The following DPP6 variants were observed in gnomAD, a reference collection of about 807,000 sequenced individuals.
DPP6 encodes the protein dipeptidyl peptidase like 6.
DPP6 carries 69 observed loss-of-function variants against 122.6 expected under a neutral mutation model. The observed-to-expected ratio is 0.56, with a 90% CI of 0.46 to 0.69. DPP6 has a LOEUF of 0.69. Among genes scored for constraint, DPP6 ranks in the 30% least tolerant of loss-of-function variants. DPP6 has a pLI of 0.00. For missense variants in DPP6, 928 were observed against 1,116.9 expected (o/e 0.83, Z 2.41); for synonymous variants, 418 against 433.1 (o/e 0.97, Z 0.43).
At chr7:154,615,092 G>C (rs1168329034) in intron 5 of DPP6, among the ~76,000 whole-genome samples, 1 of 152,152 alleles carries the variant, frequency 6.6e-6, no homozygotes, top group Non-Finnish European at 1.5e-5. Context: ...TCCTGTACAG[G>C]AGAGTTTTGC....
chr7:154,106,032 A>G (rs1224853981), intron 1 of DPP6, among the ~76,000 whole-genome samples: 1 of 151,836 alleles, frequency 6.6e-6, no homozygotes, highest in Non-Finnish European at 1.5e-5. Context: ...CCCTGAATAC[A>G]CTGTGCTCCC....
chr7:154,203,177 C>T (rs891765300), intron 1 of DPP6, among the ~76,000 whole-genome samples: 10 of 152,172 alleles, frequency 6.6e-5, no homozygotes, highest in African/African-American at 2.4e-4. Flanking sequence ...AAAGTTAGCT[C>T]ATGCCCGGCA....
intron 1 of DPP6, among the ~76,000 whole-genome samples, chr7:154,257,965 C>T (rs1000364117): frequency 6.6e-6 from 1 of 152,122 alleles, no homozygotes; most frequent in Non-Finnish European, 1.5e-5. Flanking sequence ...CCTTTGTCCC[C>T]AAATATCAAA....
intron 1 of DPP6, among the ~76,000 whole-genome samples, chr7:154,272,027 A>G (rs1020476341): frequency 6.6e-6 from 1 of 152,162 alleles, no homozygotes; most frequent in African/African-American, 2.4e-5. Flanking sequence ...AAGTTCTCAA[A>G]ACTCTCTCTA....
At chr7:154,397,233 T>C (rs1320729169) in intron 1 of DPP6, among the ~76,000 whole-genome samples, 1 of 151,608 alleles carries the variant, frequency 6.6e-6, no homozygotes, top group Non-Finnish European at 1.5e-5. Context: ...TTTTTTTTCA[T>C]GAGCATTAAG....
At chr7:154,626,945 CTTTACCT>C (rs1344947540) in intron 5 of DPP6, among the ~76,000 whole-genome samples, 1 of 131,636 alleles carries the variant, frequency 7.6e-6, no homozygotes, top group Non-Finnish European at 1.6e-5. Flanking sequence ...AGCTAAACAT[CTTTACCT>C]TTTACTAAAT....
At chr7:154,491,783 G>C (rs972234708) in intron 3 of DPP6, among the ~76,000 whole-genome samples, 2 of 152,172 alleles carry the variant, frequency 1.3e-5, no homozygotes, top group Non-Finnish European at 2.9e-5. Flanking sequence ...ATACGAAGGA[G>C]GATTTTCCTT....
chr7:153,975,250 AAAAT>A (rs2129035253), intron 1 of DPP6, among the ~76,000 whole-genome samples: 1 of 17,378 alleles, frequency 5.8e-5, no homozygotes, highest in African/African-American at 1.1e-4. Flanking sequence ...TTAAAAAAAA[AAAAT>A]TATTTCACTT....
At chr7:154,871,737 G>A (rs879556046) in intron 18 of DPP6, among the ~76,000 whole-genome samples, 3 of 152,114 alleles carry the variant, frequency 2.0e-5, no homozygotes, top group African/African-American at 4.8e-5. Context: ...GGTCAGAGCT[G>A]GCTGCCCAGC....
upstream of DPP6, among the ~76,000 whole-genome samples, chr7:153,883,090 G>A (rs147376048): frequency 1.2e-4 from 18 of 152,070 alleles, no homozygotes; most frequent in African/African-American, 4.3e-4. Context: ...GACCACCTTC[G>A]CATCCCCGTT....
At chr7:154,366,975 G>A (rs928412910) in intron 1 of DPP6, among the ~76,000 whole-genome samples, 1 of 152,174 alleles carries the variant, frequency 6.6e-6, no homozygotes, top group Non-Finnish European at 1.5e-5. Flanking sequence ...TGTTGTCTTT[G>A]AGATGCTCTT....
intron 1 of DPP6, among the ~76,000 whole-genome samples, chr7:154,364,546 GGT>G (rs1210847226): frequency 6.6e-6 from 1 of 152,186 alleles, no homozygotes; most frequent in Non-Finnish European, 1.5e-5. Flanking sequence ...GGGCAGGGGC[GGT>G]GGGGTGGGGG....
intron 5 of DPP6, among the ~76,000 whole-genome samples, chr7:154,613,956 G>T (rs1834071213): frequency 6.6e-6 from 1 of 152,182 alleles, no homozygotes; most frequent in Non-Finnish European, 1.5e-5. Flanking sequence ...GATTTGGTGG[G>T]AAATCATTTC....
In DPP6 at chr7:154,319,030, G is replaced by T. The variant is rs544499888; in HGVS notation, c.244-127184G>T. ...GGGGCAGTGTGATGATCTTTATGTGGCCCCCAGGGCCAGCAGCAGGAGGTG... is the reference window on the plus strand; with the variant it reads ...GGGGCAGTGTGATGATCTTTATGTGTCCCCCAGGGCCAGCAGCAGGAGGTG... On this transcript the variant is annotated intron_variant, in intron 1 of 25. Coordinates refer to ENST00000377770, the MANE Select transcript of DPP6 (RefSeq NM_130797.4). 6.8e-4 allele frequency among the ~76,000 whole-genome samples: 103 copies of T among 152,284 alleles called. 1 individual carries two copies. The highest frequency in any genetic ancestry group is 2.1e-3 in the South Asian group (10 of 4,828).
intron 6 of DPP6, among the ~76,000 whole-genome samples, chr7:154,662,492 G>T (rs1837791501): frequency 1.8e-5 from 1 of 57,084 alleles, no homozygotes; most frequent in Non-Finnish European, 4.3e-5. Flanking sequence ...TAGTCATGGT[G>T]AATCACCATG....
intron 16 of DPP6, among the ~76,000 whole-genome samples, chr7:154,832,309 C>A (rs1486057037): frequency 6.6e-6 from 1 of 152,132 alleles, no homozygotes; most frequent in Non-Finnish European, 1.5e-5. Flanking sequence ...GCCTGGAGGA[C>A]CCAAGGAATT....
the DPP6 span, among the ~76,000 whole-genome samples, chr7:153,760,915 G>A: frequency 0.51 from 77,744 of 151,702 alleles, 20,431 homozygotes; most frequent in East Asian, 0.67. Flanking sequence ...CTCTCTTTCC[G>A]TGTTGCTTGC....
intron 2 of DPP6, among the ~76,000 whole-genome samples, chr7:154,448,040 G>A (rs921689728): frequency 6.6e-6 from 1 of 152,178 alleles, no homozygotes; most frequent in African/African-American, 2.4e-5. Context: ...TCCCAGCATG[G>A]CTATTTAACA....
chr7:154,286,726 C>A (rs560801459), intron 1 of DPP6, among the ~76,000 whole-genome samples: 3 of 152,038 alleles, frequency 2.0e-5, no homozygotes, highest in Admixed American at 6.6e-5. Flanking sequence ...CAGCTCTTCT[C>A]CCCTCACTCT....
Sources: allele counts gnomAD v4.1 joint callset (sites outside exome capture counted in the v4.1 genomes callset), GRCh38; gene constraint gnomAD v4.1.1; transcripts MANE v1.5; gene names NCBI Gene and HGNC (gene_info 2026-07-23, HGNC 2026-07-21).